Variants in NALCN observed in about 807,000 individuals in gnomAD.
The protein encoded by NALCN is sodium leak channel, non-selective.
Under a neutral mutation model 225.3 loss-of-function variants are expected in NALCN, and 111 were observed. That is an observed-to-expected ratio of 0.49 (90% confidence interval 0.42 to 0.58). NALCN has a LOEUF of 0.58. Ranked by LOEUF, NALCN falls within the 20% of genes least tolerant of loss-of-function variation. The pLI is 0.00. For synonymous variants in NALCN, 764 were observed against 769.0 expected (o/e 0.99, Z 0.11); for missense variants, 1,378 against 2,202.4 (o/e 0.63, Z 7.49).
At chr13:101,286,864 T>TATACAC (rs373471216) in intron 9 of NALCN, among the ~76,000 whole-genome samples, 1 of 146,956 alleles carries the variant, frequency 6.8e-6, no homozygotes, top group Admixed American at 6.8e-5. Context: ...CCAGGTATTA[T>TATACAC]ACACACACAC....
At chr13:101,139,361 A>C (rs1259015500) in intron 17 of NALCN, among the ~76,000 whole-genome samples, 1 of 152,168 alleles carries the variant, frequency 6.6e-6, no homozygotes, top group Non-Finnish European at 1.5e-5. Context: ...CTGAACTTGC[A>C]GTCTTCAGGC....
At chr13:101,133,614 G>A (rs60565887) in intron 17 of NALCN, among the ~76,000 whole-genome samples, 2,953 of 152,158 alleles carry the variant, frequency 0.019, 99 homozygotes, top group African/African-American at 0.066. Flanking sequence ...TCATGCACCC[G>A]TGAATTCATA....
chr13:101,238,076 T>C (rs2041627602), intron 11 of NALCN, among the ~76,000 whole-genome samples, 154 bp from the exon 12 acceptor site: 1 of 151,944 alleles, frequency 6.6e-6, no homozygotes, highest in Non-Finnish European at 1.5e-5. Context: ...AAGAATGCAT[T>C]TGAAACATAC....
At chr13:101,325,672 C>T (rs887830337) in intron 7 of NALCN, among the ~76,000 whole-genome samples, 1 of 152,116 alleles carries the variant, frequency 6.6e-6, no homozygotes, top group African/African-American at 2.4e-5. Context: ...TCCGTTTTAT[C>T]CTCTGCAGAC....
At chr13:101,073,886 T>G (rs186133426) in intron 36 of NALCN, among the ~76,000 whole-genome samples, 1 of 152,280 alleles carries the variant, frequency 6.6e-6, no homozygotes, top group Admixed American at 6.5e-5. Context: ...GCATGGCCAC[T>G]AATTTATTAC....
intron 11 of NALCN, among the ~76,000 whole-genome samples, chr13:101,256,589 C>G (rs2042236732): frequency 6.6e-6 from 1 of 152,094 alleles, no homozygotes; most frequent in Non-Finnish European, 1.5e-5. Context: ...CACCTCTTCC[C>G]TCTCCCCTTT....
chr13:101,248,977 G>A (rs1296566638), intron 11 of NALCN, among the ~76,000 whole-genome samples: 2 of 152,034 alleles, frequency 1.3e-5, no homozygotes, highest in African/African-American at 4.8e-5. Flanking sequence ...GGGAGGCCCT[G>A]GAACCCCCTG....
intron 13 of NALCN, among the ~76,000 whole-genome samples, chr13:101,206,467 A>G (rs1474298389): frequency 1.3e-5 from 2 of 152,032 alleles, no homozygotes; most frequent in Non-Finnish European, 2.9e-5. Flanking sequence ...TACAAGTCAA[A>G]AACCTAAATT....
intron 15 of NALCN, among the ~76,000 whole-genome samples, chr13:101,163,708 C>T (rs991781254): frequency 6.6e-6 from 1 of 152,054 alleles, no homozygotes; most frequent in Admixed American, 6.5e-5. Context: ...TAGAAGGGAT[C>T]GTTTCTTCTT....
chr13:101,090,356 TTGGATTTTGGATG>T (rs1305208140), intron 28 of NALCN, among the ~76,000 whole-genome samples: 1 of 152,160 alleles, frequency 6.6e-6, no homozygotes, highest in Non-Finnish European at 1.5e-5. Flanking sequence ...CAAAGAAGCA[TTGGATTTTGGATG>T]TGGATTTTGA....
At chr13:101,407,205 G>C (rs991156456) in intron 1 of NALCN, among the ~76,000 whole-genome samples, 1 of 152,142 alleles carries the variant, frequency 6.6e-6, no homozygotes. Context: ...AGTTTATCAA[G>C]AGGTGACTGT....
chr13:101,073,545 T>C, intron 37 of NALCN, 39 bp downstream of exon 37: 1 of 1,533,488 alleles, frequency 6.5e-7, no homozygotes, highest in Non-Finnish European at 9.0e-7. Flanking sequence ...TTCATGCTGA[T>C]TCTAAGTCTA....
chr13:101,333,785 T>C (rs1473556703), intron 7 of NALCN, among the ~76,000 whole-genome samples: 2 of 152,208 alleles, frequency 1.3e-5, no homozygotes, highest in Admixed American at 1.3e-4. Context: ...CAGGGAATTA[T>C]GTTCTGCAGG....
intron 39 of NALCN, among the ~76,000 whole-genome samples, chr13:101,066,730 G>A (rs796995557): frequency 3.9e-5 from 6 of 152,136 alleles, no homozygotes; most frequent in African/African-American, 7.2e-5. Context: ...AAGCCTGGGC[G>A]GGCAGGGGTA....
intron 10 of NALCN, among the ~76,000 whole-genome samples, chr13:101,273,246 C>G (rs946397136): frequency 6.6e-6 from 1 of 152,162 alleles, no homozygotes; most frequent in Non-Finnish European, 1.5e-5. Flanking sequence ...TCACAGCAGC[C>G]GCTGAGGAAT....
intron 18 of NALCN, among the ~76,000 whole-genome samples, chr13:101,115,988 G>A (rs999411306): frequency 2.0e-5 from 3 of 152,102 alleles, no homozygotes; most frequent in African/African-American, 7.2e-5. Context: ...GTCTTGTCTG[G>A]GTGAGGAAAT....
Position 101,372,940 on chromosome 13 carries a change from A to C in NALCN, c.644+3760T>G, listed in dbSNP as rs2046582452. 1.5e-5 allele frequency: 3 copies of C among 200,262 alleles called. No individual in the cohort carries two copies. The Admixed American group carries it at 1.8e-4, about 12-fold the overall frequency. 12.4% of individuals were successfully genotyped at this position (200,262 alleles called of 1,614,324 possible). The stretch of plus-strand genomic sequence containing the variant: ...TAATACAATTGAGAAGACATAAAAA[A>C]ATGGAGAGAAAGGTACAAATTATCA... On this transcript the variant is annotated intron_variant, in intron 6 of 43. Transcript: ENST00000251127.
At chr13:101,100,736 C>A in intron 27 of NALCN, 48 bp downstream of exon 27, 1 of 1,497,276 alleles carries the variant, frequency 6.7e-7, no homozygotes, top group Non-Finnish European at 9.1e-7. Flanking sequence ...CATGCCACCA[C>A]ACTTGGCCCT....
intron 15 of NALCN, among the ~76,000 whole-genome samples, chr13:101,175,725 T>C (rs1259764178): frequency 6.6e-6 from 1 of 152,240 alleles, no homozygotes; most frequent in African/African-American, 2.4e-5. Context: ...TGACGATAGC[T>C]GTAATCCTCC....
Sources: gnomAD v4.1 joint callset for allele counts (sites outside exome capture counted in the v4.1 genomes callset) on GRCh38, gnomAD v4.1.1 for gene constraint, MANE v1.5 for transcripts, NCBI Gene and HGNC (gene_info 2026-07-23, HGNC 2026-07-21) for gene names.